The following TOX2 variants were observed in gnomAD, a reference collection of about 807,000 sequenced individuals.
TOX2 encodes granulosa cell HMG box 1.
In TOX2, 15 loss-of-function variants were observed where a neutral mutation model predicts 47.4. The ratio of observed to expected loss-of-function variants is 0.32; its 90% CI spans 0.21 to 0.49. The LOEUF (loss-of-function observed/expected upper bound fraction) is 0.49, where lower values mean the gene tolerates loss of function less well. Among genes scored for constraint, TOX2 ranks in the 20% least tolerant of loss-of-function variants. The probability of loss-of-function intolerance (pLI) is 0.99; values close to 1 mark genes in which losing one functional copy is unlikely to be tolerated. For missense variants in TOX2, 622 were observed against 673.1 expected (o/e 0.92, Z 0.84); for synonymous variants, 290 against 296.6 (o/e 0.98, Z 0.23).
At chr20:44,019,119 AT>A (rs562460982) in intron 3 of TOX2, among the ~76,000 whole-genome samples, 1,783 of 152,316 alleles carry the variant, frequency 0.012, 36 homozygotes, top group African/African-American at 0.041. Context: ...TGAAAAATGA[AT>A]GAATGAATGA....
rs542151039 is a variant in TOX2 at position 44,032,948 on chromosome 20, T to C, written c.412-18358T>C. ...CTTAAAGGATAAATTAGTCTGACTC[T>C]TAACTCAATAATTAAAACTGTGATG... On this transcript the variant is annotated intron_variant, in intron 3 of 8. Coordinates refer to ENST00000341197, the MANE Select transcript of TOX2 (RefSeq NM_001098797.2). 1.4e-4 allele frequency among the ~76,000 whole-genome samples: 22 copies of C among 152,356 alleles called. No individual in the cohort carries two copies. In the East Asian group the frequency reaches 4.2e-3, roughly 29 times the overall value.
At chr20:43,995,521 A>T (rs1055416312) in intron 2 of TOX2, among the ~76,000 whole-genome samples, 43 of 152,112 alleles carry the variant, frequency 2.8e-4, no homozygotes, top group Non-Finnish European at 4.0e-4. Flanking sequence ...GGCTTTTTTT[A>T]AACTTTTATT....
chr20:44,009,723 C>T (rs1047610967), intron 3 of TOX2, among the ~76,000 whole-genome samples: 9 of 152,212 alleles, frequency 5.9e-5, no homozygotes, highest in African/African-American at 2.2e-4. Context: ...TTACTGGGCT[C>T]ATTTTCTAGC....
chr20:43,968,281 G>A (rs887556157), intron 1 of TOX2, among the ~76,000 whole-genome samples: 1 of 152,158 alleles, frequency 6.6e-6, no homozygotes, highest in African/African-American at 2.4e-5. Context: ...TCATGAATCA[G>A]TGACTCTGTG....
At chr20:43,949,658 A>C (rs758947455) in intron 1 of TOX2, among the ~76,000 whole-genome samples, 1 of 152,080 alleles carries the variant, frequency 6.6e-6, no homozygotes, top group Non-Finnish European at 1.5e-5. Flanking sequence ...CTTTGTCTGG[A>C]ATGGTTCTTT....
At chr20:43,968,584 A>G (rs2069903638) in intron 1 of TOX2, among the ~76,000 whole-genome samples, 1 of 152,188 alleles carries the variant, frequency 6.6e-6, no homozygotes, top group Non-Finnish European at 1.5e-5. Context: ...GGTGGCCGTC[A>G]TGAAAGGGTT....
At position 43,939,454 on chromosome 20, in the gene TOX2, G is replaced by A. The variant is rs2069372968; in HGVS notation, c.99+24464G>A. ...AAAGTCAGCCCAAGCATGCTCCACT[G>A]CACTCAAAGTACAGTTCTGCTGCCA... On this transcript the variant is annotated intron_variant, in intron 1 of 8. Transcript: ENST00000341197. 2.0e-5 allele frequency among the ~76,000 whole-genome samples: 3 copies of A among 152,178 alleles called. No individual in the cohort carries two copies. In the South Asian group the frequency reaches 6.2e-4, roughly 31 times the overall value.
rs542791367 is a variant in TOX2 at position 43,969,775 on chromosome 20, G to A, written c.100-3592G>A. On this transcript the variant is annotated intron_variant, in intron 1 of 8. Coordinates refer to ENST00000341197, the MANE Select transcript of TOX2 (RefSeq NM_001098797.2). ...ACTGAGGAGACTCAGGCCCTGCCTC[G>A]GGAACCTCTGCCAGCTTCTCAAGTG... Among the ~76,000 whole-genome samples, 21 of 152,348 alleles carry A rather than the reference G, an allele frequency of 1.4e-4. No homozygotes were observed. The East Asian group carries it at 3.1e-3, about 22-fold the overall frequency.
intron 1 of TOX2, among the ~76,000 whole-genome samples, chr20:43,963,138 G>GAA (rs1480489436): frequency 6.6e-6 from 1 of 152,098 alleles, no homozygotes; most frequent in Non-Finnish European, 1.5e-5. Context: ...TAGAGGTCTA[G>GAA]AAAGAGCACA....
rs145956466 is a variant in TOX2, at chr20:43,946,154, C to T, written c.100-27213C>T. On this transcript the variant is annotated intron_variant, in intron 1 of 8. Transcript: ENST00000341197. ...CAGGGACCTGGACTGGTGCTTGTCA[C>T]ATTCTGGAATGAAGATGCTTTAGAG... 671 of 1,445,646 alleles carry T rather than the reference C, an allele frequency of 4.6e-4. 7 individuals are homozygous for T. In the East Asian group the frequency reaches 0.016, roughly 34 times the overall value. 89.6% of individuals were successfully genotyped at this position (1,445,646 alleles called of 1,614,324 possible). A position where few individuals can be genotyped will look rare whatever the true frequency, so the allele number is the denominator to read the frequency against.
At chr20:43,951,955 G>T (rs1461107150) in intron 1 of TOX2, among the ~76,000 whole-genome samples, 1 of 151,670 alleles carries the variant, frequency 6.6e-6, no homozygotes, top group Non-Finnish European at 1.5e-5. Context: ...GGAGTGCAGT[G>T]GTGCGATCTT....
chr20:43,969,785 G>A, intron 1 of TOX2, among the ~76,000 whole-genome samples: 1 of 152,218 alleles, frequency 6.6e-6, no homozygotes, highest in Non-Finnish European at 1.5e-5. Context: ...GGGAACCTCT[G>A]CCAGCTTCTC....
chr20:44,025,884 CAG>C (rs1472067745), intron 3 of TOX2, among the ~76,000 whole-genome samples: 2 of 151,968 alleles, frequency 1.3e-5, no homozygotes, highest in African/African-American at 2.4e-5. Flanking sequence ...GCGCCTGCCT[CAG>C]AGGAGGGATG....
chr20:44,063,986 G>A (rs574897641), intron 5 of TOX2, among the ~76,000 whole-genome samples: 102 of 152,128 alleles, frequency 6.7e-4, no homozygotes, highest in Non-Finnish European at 1.2e-3. Flanking sequence ...ATGATACAAT[G>A]GACTTTGGGG....
chr20:44,048,388 T>TTTTATATATATATATATATATA (rs1555845973), intron 3 of TOX2, among the ~76,000 whole-genome samples: 3 of 86,850 alleles, frequency 3.5e-5, no homozygotes, highest in South Asian at 3.4e-4. Flanking sequence ...TAAAATGAAT[T>TTTTATATATATATATATATATA]TATATATATA....
intron 1 of TOX2, among the ~76,000 whole-genome samples, chr20:43,947,226 G>C (rs1238815731): frequency 6.6e-6 from 1 of 152,244 alleles, no homozygotes; most frequent in Non-Finnish European, 1.5e-5. Context: ...CTGTGACATA[G>C]GGCAAGTTCC....
At chr20:43,923,927 G>A (rs2069138263) in intron 1 of TOX2, among the ~76,000 whole-genome samples, 1 of 152,202 alleles carries the variant, frequency 6.6e-6, no homozygotes, top group South Asian at 2.1e-4. Context: ...TGGCGCTAAG[G>A]TGGCTCTTTA....
chr20:44,018,840 C>T (rs554930289), intron 3 of TOX2, among the ~76,000 whole-genome samples: 4 of 152,130 alleles, frequency 2.6e-5, no homozygotes, highest in Non-Finnish European at 5.9e-5. Flanking sequence ...GGCTGGGGCC[C>T]GGGCTATGGT....
At chr20:43,980,838 TAATATA>T (rs1206076141) in intron 2 of TOX2, among the ~76,000 whole-genome samples, 1 of 152,042 alleles carries the variant, frequency 6.6e-6, no homozygotes, top group Non-Finnish European at 1.5e-5. Context: ...AAAACTAAAT[TAATATA>T]AATATAAAAA....
Sources: gnomAD v4.1 joint callset for allele counts (sites outside exome capture counted in the v4.1 genomes callset) on GRCh38, gnomAD v4.1.1 for gene constraint, MANE v1.5 for transcripts, NCBI Gene and HGNC (gene_info 2026-07-23, HGNC 2026-07-21) for gene names.